COL5A2: variants seen among roughly 807,000 people sequenced by gnomAD.
The protein encoded by COL5A2 is collagen alpha-2(V) chain.
Under a neutral mutation model 208.2 loss-of-function variants are expected in COL5A2, and 23 were observed. The ratio of observed to expected loss-of-function variants is 0.11; its 90% CI spans 0.08 to 0.16. The LOEUF (loss-of-function observed/expected upper bound fraction) is 0.16, where lower values mean the gene tolerates loss of function less well. Ranked by LOEUF, COL5A2 falls within the 10% of genes least tolerant of loss-of-function variation. The pLI is 1.00. For synonymous variants in COL5A2, 625 were observed against 628.5 expected, an observed-to-expected ratio of 0.99 and a Z score of 0.08; for missense variants, 1,590 against 1,956.4, an observed-to-expected ratio of 0.81 and a Z score of 3.53.
chr2:189,318,274 G>T, the COL5A2 span, among the ~76,000 whole-genome samples: 22 of 152,008 alleles, frequency 1.4e-4, no homozygotes, highest in African/African-American at 5.3e-4. Context: ...TATGACAAGG[G>T]GATAAAAAAT....
At chr2:189,285,241 G>C in the COL5A2 span, among the ~76,000 whole-genome samples, 1 of 152,012 alleles carries the variant, frequency 6.6e-6, no homozygotes, top group Non-Finnish European at 1.5e-5. Flanking sequence ...AGACCACTGT[G>C]ACAAAAGTTG....
chr2:189,073,476 T>TA lies in COL5A2; in HGVS notation c.1105-1384dup, dbSNP rs573198385. Among the ~76,000 whole-genome samples, 20 of 152,298 alleles carry TA rather than the reference T, an allele frequency of 1.3e-4. 1 individual carries two copies. In the East Asian group the frequency reaches 3.7e-3, roughly 28 times the overall value. On this transcript the variant is annotated intron_variant, in intron 17 of 53. Coordinates refer to ENST00000374866, the MANE Select transcript of COL5A2 (RefSeq NM_000393.5). ...CCCTGTGAAATCATCTGTAGAGCTT[T>TA]AAAAAATACTGATTTCTGAGTCTAC... is the stretch of plus-strand genomic sequence containing the variant.
chr2:189,214,902 A>C (rs1013006223), intron 1 of COL5A2, among the ~76,000 whole-genome samples: 1 of 152,196 alleles, frequency 6.6e-6, no homozygotes, highest in Admixed American at 6.6e-5. Context: ...TATTATTATC[A>C]GCTTTTGCCA....
At chr2:189,143,439 C>A (rs569492725) in intron 1 of COL5A2, among the ~76,000 whole-genome samples, 1 of 152,280 alleles carries the variant, frequency 6.6e-6, no homozygotes. Context: ...CCTACTCTAA[C>A]CCTGTAACTG....
At chr2:189,171,987 C>T (rs913584731) in intron 1 of COL5A2, among the ~76,000 whole-genome samples, 5 of 152,056 alleles carry the variant, frequency 3.3e-5, no homozygotes, top group African/African-American at 1.2e-4. Flanking sequence ...GGTCAATGGT[C>T]TCCAATAAAG....
At chr2:189,172,418 A>C (rs141599646) in intron 1 of COL5A2, among the ~76,000 whole-genome samples, 1 of 152,318 alleles carries the variant, frequency 6.6e-6, no homozygotes, top group East Asian at 1.9e-4. Flanking sequence ...TGGTCAGTGA[A>C]GTAGATTGTA....
the COL5A2 span, among the ~76,000 whole-genome samples, chr2:189,411,147 T>C: frequency 2.0e-5 from 3 of 152,136 alleles, no homozygotes; most frequent in African/African-American, 7.2e-5. Flanking sequence ...TTATCCTCCA[T>C]CTTTAAATGA....
At chr2:189,408,341 G>A in the COL5A2 span, among the ~76,000 whole-genome samples, 7 of 152,076 alleles carry the variant, frequency 4.6e-5, no homozygotes, top group African/African-American at 1.7e-4. Context: ...CATAGTGCTT[G>A]GCCATACACC....
intron 36 of COL5A2, 30 bp from the exon 37 acceptor site, chr2:189,053,978 C>G: frequency 1.2e-6 from 2 of 1,604,366 alleles, no homozygotes; most frequent in Non-Finnish European, 1.7e-6. Context: ...TGGTTACTGT[C>G]CAAAACAGTA....
chr2:189,064,278 T>TC (rs1479455313), intron 25 of COL5A2, among the ~76,000 whole-genome samples: 1 of 88,174 alleles, frequency 1.1e-5, no homozygotes, highest in African/African-American at 4.1e-5. Flanking sequence ...GCTAACAAGT[T>TC]ATAAAATTTG....
chr2:189,291,383 C>CA, the COL5A2 span, among the ~76,000 whole-genome samples: 2 of 152,084 alleles, frequency 1.3e-5, no homozygotes, highest in African/African-American at 4.8e-5. Context: ...TTTTGCTACA[C>CA]ATTATTTCAC....
chr2:189,248,438 G>A, the COL5A2 span, among the ~76,000 whole-genome samples: 1 of 152,156 alleles, frequency 6.6e-6, no homozygotes, highest in Admixed American at 6.5e-5. Context: ...TATTTTGCAT[G>A]TACTTTCTTG....
chr2:189,399,967 C>A, the COL5A2 span, among the ~76,000 whole-genome samples: 2 of 152,132 alleles, frequency 1.3e-5, no homozygotes, highest in Non-Finnish European at 2.9e-5. Flanking sequence ...TCTGAAAGTG[C>A]TGAAATTACA....
chr2:189,033,999 ACAGT>A lies in COL5A2; in HGVS notation c.*67_*70del, dbSNP rs1685390444. Reference sequence around the variant, plus strand: ...TCAAGAGTCTCAGGATCAACTTCAAACAGTCAAAGTTCTTGTGAATGGCGGTGGT... The same window carrying A: ...TCAAGAGTCTCAGGATCAACTTCAAACAAAGTTCTTGTGAATGGCGGTGGT... On this transcript the variant is annotated 3_prime_UTR_variant, in exon 54 of 54. Coordinates refer to ENST00000374866, the MANE Select transcript of COL5A2 (RefSeq NM_000393.5). 2 of 1,603,184 alleles carry A rather than the reference ACAGT, an allele frequency of 1.2e-6. No individual in the cohort carries two copies. The highest frequency in any genetic ancestry group is 1.7e-6 in the Non-Finnish European group (2 of 1,171,864).
At chr2:189,343,238 T>C in the COL5A2 span, among the ~76,000 whole-genome samples, 1 of 152,098 alleles carries the variant, frequency 6.6e-6, no homozygotes, top group African/African-American at 2.4e-5. Context: ...AATCAACCTT[T>C]AGATAAATTC....
the COL5A2 span, among the ~76,000 whole-genome samples, chr2:189,425,211 A>T: frequency 6.6e-6 from 1 of 152,250 alleles, no homozygotes; most frequent in Non-Finnish European, 1.5e-5. Context: ...AAAAGTTGGC[A>T]AAGATGTGAA....
chr2:189,418,905 T>C, the COL5A2 span, among the ~76,000 whole-genome samples: 2 of 152,172 alleles, frequency 1.3e-5, no homozygotes, highest in East Asian at 1.9e-4. Flanking sequence ...TAGGCCTCTG[T>C]TCATAAGACC....
the COL5A2 span, among the ~76,000 whole-genome samples, chr2:189,255,311 A>C: frequency 6.6e-6 from 1 of 152,238 alleles, no homozygotes; most frequent in African/African-American, 2.4e-5. Flanking sequence ...TAAAACAGTA[A>C]CATTTGTGTA....
chr2:189,230,889 C>T, the COL5A2 span, among the ~76,000 whole-genome samples: 2 of 151,844 alleles, frequency 1.3e-5, no homozygotes, highest in African/African-American at 2.4e-5. Context: ...TATTTGTATT[C>T]CCATATTCAT....
Sources: allele counts gnomAD v4.1 joint callset (sites outside exome capture counted in the v4.1 genomes callset), GRCh38; gene constraint gnomAD v4.1.1; transcripts MANE v1.5; gene names NCBI Gene and HGNC (gene_info 2026-07-23, HGNC 2026-07-21).